Variants in COL28A1 observed in about 807,000 individuals in gnomAD.
The protein encoded by COL28A1 is collagen alpha-1(XXVIII) chain.
Under a neutral mutation model 150.2 loss-of-function variants are expected in COL28A1, and 161 were observed. The observed-to-expected ratio is 1.07, with a 90% CI of 0.94 to 1.22. The LOEUF is 1.22. Ranked by LOEUF, COL28A1 falls within the 50% of genes most tolerant of loss-of-function variation. COL28A1 has a pLI of 0.00. For synonymous variants in COL28A1, 552 were observed against 469.7 expected, an observed-to-expected ratio of 1.18 and a Z score of -2.26; for missense variants, 1,617 against 1,388.3, an observed-to-expected ratio of 1.16 and a Z score of -2.62.
chr7:7,503,901 G>A (rs1780667009), intron 11 of COL28A1, among the ~76,000 whole-genome samples: 1 of 152,130 alleles, frequency 6.6e-6, no homozygotes, highest in South Asian at 2.1e-4. Context: ...GATTGGCAAT[G>A]AACTTTGTTC....
intron 33 of COL28A1, 52 bp from the exon 34 acceptor site, chr7:7,360,580 A>ATTAG: frequency 6.5e-7 from 1 of 1,541,652 alleles, no homozygotes; most frequent in Non-Finnish European, 8.8e-7. Flanking sequence ...AGTAAAAAAA[A>ATTAG]TACTAGTTTG....
At chr7:7,366,977 C>T (rs867910342) in intron 33 of COL28A1, among the ~76,000 whole-genome samples, 20 of 152,166 alleles carry the variant, frequency 1.3e-4, no homozygotes, top group Non-Finnish European at 2.2e-4. Context: ...TGTGTGTGTG[C>T]GCGCGTGCAT....
At chr7:7,340,662 CT>C in the COL28A1 span, among the ~76,000 whole-genome samples, 2 of 152,078 alleles carry the variant, frequency 1.3e-5, no homozygotes, top group African/African-American at 4.8e-5. Flanking sequence ...TTTTTTCCCC[CT>C]AAGCAAGATC....
chr7:7,370,454 T>C (rs527797557), intron 33 of COL28A1, among the ~76,000 whole-genome samples: 2 of 152,198 alleles, frequency 1.3e-5, no homozygotes, highest in East Asian at 3.8e-4. Flanking sequence ...ACATGGTTAC[T>C]TTGATGGTAA....
intron 15 of COL28A1, among the ~76,000 whole-genome samples, chr7:7,473,366 A>G (rs1271344675): frequency 1.3e-5 from 2 of 152,206 alleles, no homozygotes; most frequent in Non-Finnish European, 2.9e-5. Flanking sequence ...AATCCCATCA[A>G]AAAGTGGGCT....
intron 27 of COL28A1, among the ~76,000 whole-genome samples, chr7:7,383,678 G>GTATATA (rs1219927118): frequency 5.3e-5 from 3 of 57,098 alleles, no homozygotes; most frequent in East Asian, 1.0e-3. Context: ...GTGTGTGTGT[G>GTATATA]TGTGTATATA....
intron 27 of COL28A1, among the ~76,000 whole-genome samples, chr7:7,413,328 C>A (rs1783889705): frequency 6.6e-6 from 1 of 152,138 alleles, no homozygotes. Flanking sequence ...CTGGAGGCAC[C>A]AATATACTTC....
chr7:7,477,133 T>A lies in COL28A1; in HGVS notation c.1212A>T (p.Gly404=). 3 of 1,343,874 alleles carry A rather than the reference T, an allele frequency of 2.2e-6. No individual in the cohort carries two copies. Among genetic ancestry groups the A allele is most frequent in the African/African-American group, 2.9e-5 (2 of 69,918 alleles). The allele number at this position is 1,343,874 out of a possible 1,614,324, so 83.2% of individuals were successfully genotyped here. The change falls in exon 14 of 35, where the codon GGA becomes GGT. Residue 404 remains glycine (G), a synonymous_variant. Transcript: ENST00000399429. ...TTACCTTTGGTCCTGGAAATCCTTC[T>A]CCGGGTAAGCCCCTCTCTCCTGGTA... ...EGVPGERGLP[G]EGFPGPKGEK...
chr7:7,498,664 CAATT>C (rs1235381026), intron 11 of COL28A1, among the ~76,000 whole-genome samples: 2 of 152,094 alleles, frequency 1.3e-5, no homozygotes, highest in African/African-American at 2.4e-5. Context: ...CCTTGGAATA[CAATT>C]AATTTTCTCT....
intron 21 of COL28A1, among the ~76,000 whole-genome samples, chr7:7,438,819 C>T (rs980486774): frequency 6.6e-5 from 10 of 152,150 alleles, no homozygotes; most frequent in Admixed American, 1.3e-4. Context: ...GGGCCAAATC[C>T]AGCCCACCCC....
At chr7:7,432,344 C>A (rs915048771) in intron 25 of COL28A1, 129 bp downstream of exon 25, 27 of 692,536 alleles carry the variant, frequency 3.9e-5, no homozygotes, top group Non-Finnish European at 6.2e-5. Context: ...TAGATAAGGG[C>A]AAATAACTTT....
chr7:7,508,462 C>G (rs1294397892), intron 9 of COL28A1, among the ~76,000 whole-genome samples: 2 of 152,164 alleles, frequency 1.3e-5, no homozygotes, highest in Admixed American at 6.5e-5. Context: ...ATTTAAGGTT[C>G]ACCGGCTGTC....
intron 13 of COL28A1, among the ~76,000 whole-genome samples, chr7:7,477,994 CAG>C (rs903890168): frequency 6.6e-5 from 10 of 152,068 alleles, no homozygotes; most frequent in Non-Finnish European, 1.3e-4. Context: ...TAGCTAGATA[CAG>C]AGTGTCGATT....
At chr7:7,346,422 TTCTC>T in the COL28A1 span, among the ~76,000 whole-genome samples, 1 of 152,088 alleles carries the variant, frequency 6.6e-6, no homozygotes, top group African/African-American at 2.4e-5. Context: ...ATTCTAAACA[TTCTC>T]TCTAAAATGA....
At chr7:7,506,159 C>A in intron 10 of COL28A1, 92 bp from the exon 11 acceptor site, 1 of 767,490 alleles carries the variant, frequency 1.3e-6, no homozygotes, top group Non-Finnish European at 2.3e-6. Flanking sequence ...TCCTGGCGAT[C>A]GAAGTTAGAC....
At chr7:7,424,957 A>T (rs549426922) in intron 25 of COL28A1, among the ~76,000 whole-genome samples, 1 of 152,300 alleles carries the variant, frequency 6.6e-6, no homozygotes, top group African/African-American at 2.4e-5. Flanking sequence ...GATGGTTCTA[A>T]AACTCACACA....
downstream of COL28A1, among the ~76,000 whole-genome samples, chr7:7,352,272 A>C (rs11510548): frequency 0.014 from 2,146 of 152,282 alleles, 65 homozygotes; most frequent in African/African-American, 0.049. Context: ...AAGATAAACA[A>C]GGCATGTCTT....
chr7:7,516,809 G>C (rs1247900035), intron 7 of COL28A1, among the ~76,000 whole-genome samples: 1 of 151,962 alleles, frequency 6.6e-6, no homozygotes, highest in Non-Finnish European at 1.5e-5. Context: ...GCTCAGGCTG[G>C]TCTCAAACTA....
At chr7:7,403,703 T>C (rs948148307) in intron 27 of COL28A1, among the ~76,000 whole-genome samples, 3 of 152,350 alleles carry the variant, frequency 2.0e-5, no homozygotes, top group East Asian at 1.9e-4. Flanking sequence ...GATTCCACCA[T>C]TGTTCTTGCT....
Sources: allele counts gnomAD v4.1 joint callset (sites outside exome capture counted in the v4.1 genomes callset), GRCh38; gene constraint gnomAD v4.1.1; transcripts MANE v1.5; gene names NCBI Gene and HGNC (gene_info 2026-07-23, HGNC 2026-07-21).